RBM19: variants seen among roughly 807,000 people sequenced by gnomAD.
The protein encoded by RBM19 is probable RNA-binding protein 19.
A neutral mutation model predicts 116.8 loss-of-function variants in RBM19; 94 were observed. That is an observed-to-expected ratio of 0.80 (90% CI 0.68 to 0.95). The LOEUF is 0.95. Ranked by LOEUF, RBM19 falls within the 40% of genes least tolerant of loss-of-function variation. RBM19 has a pLI of 0.00. For synonymous variants in RBM19, 475 were observed against 494.1 expected (o/e 0.96, Z 0.51); for missense variants, 1,161 against 1,220.7 (o/e 0.95, Z 0.73).
chr12:113,966,061 T>G (rs1300911471), intron 1 of RBM19, 131 bp downstream of exon 1: 1 of 1,013,424 alleles, frequency 9.9e-7, no homozygotes, highest in African/African-American at 1.6e-5. Flanking sequence ...CCCGCCCCCT[T>G]TGAGTTCAGA....
chr12:113,949,002 G>C lies in RBM19; in HGVS notation c.1107C>G (p.Asn369Lys). The stretch of plus-strand genomic sequence containing the variant: ...TTGGTGCACCCTTGGTGGTGGGGAC[G>C]TTCTTTTCCCTGAACACCTCGATGT... ...GRYIEVFREK[N>K]VPTTKGAPKN... Residue 369 changes from asparagine to lysine, a missense_variant, in exon 10 of 24, where the codon AAC (asparagine) becomes AAG (lysine). By Grantham distance (94) the Asn-to-Lys change is moderately conservative (BLOSUM62 0). Transcript: ENST00000261741. The C allele has an allele frequency of 6.2e-7, 1 of 1,614,148 alleles. No homozygotes were observed. The highest frequency in any genetic ancestry group is 1.1e-5 in the South Asian group (1 of 91,076).
intron 1 of RBM19, among the ~76,000 whole-genome samples, chr12:113,965,280 TAA>T (rs144243457): frequency 1.0e-5 from 1 of 96,700 alleles, no homozygotes; most frequent in Non-Finnish European, 2.2e-5. Flanking sequence ...AGACTCCGTT[TAA>T]AAAAAAAAAA....
chr12:113,965,792 T>C (rs1359760405), intron 1 of RBM19, among the ~76,000 whole-genome samples: 3 of 152,164 alleles, frequency 2.0e-5, no homozygotes, highest in Non-Finnish European at 2.9e-5. Flanking sequence ...CGCAGATTAA[T>C]ATTCCCCATG....
chr12:113,881,269 A>C (rs1299049184), intron 21 of RBM19, among the ~76,000 whole-genome samples: 1 of 152,160 alleles, frequency 6.6e-6, no homozygotes, highest in Non-Finnish European at 1.5e-5. Flanking sequence ...TTAGCCTCAG[A>C]GCTCTGGCTC....
At chr12:113,958,220 A>T (rs1485857889) in intron 5 of RBM19, among the ~76,000 whole-genome samples, 170 bp from the exon 6 acceptor site, 1 of 151,988 alleles carries the variant, frequency 6.6e-6, no homozygotes, top group African/African-American at 2.4e-5. Flanking sequence ...CAATACCAAA[A>T]CGGGGCAGGG....
At chr12:113,835,831 G>A (rs911706327) in intron 23 of RBM19, among the ~76,000 whole-genome samples, 1 of 152,334 alleles carries the variant, frequency 6.6e-6, no homozygotes, top group Admixed American at 6.5e-5. Flanking sequence ...CAGCCCATCA[G>A]TCCTCCCCAG....
chr12:113,833,947 T>C (rs980080738), intron 23 of RBM19, among the ~76,000 whole-genome samples: 4 of 152,202 alleles, frequency 2.6e-5, no homozygotes, highest in South Asian at 2.1e-4. Context: ...GGTCTCGCTA[T>C]GTGGCTCAGG....
Position 113,927,125 on chromosome 12 carries a change from C to A in RBM19, c.2173G>T (p.Glu725Ter). The A allele has an allele frequency of 6.2e-7, 1 of 1,610,472 alleles. No homozygotes were observed. Among genetic ancestry groups the A allele is most frequent in the Non-Finnish European group, 8.5e-7 (1 of 1,178,608 alleles). Residue 725 changes from glutamate to a stop codon, truncating the protein, a stop_gained, in exon 17 of 24, where the codon GAG becomes TAG. Transcript: ENST00000261741. LOFTEE classifies it high-confidence loss of function. The part of the protein sequence containing the change: ...EEEEEEEEEE[E>*]SLPGCTLFIK... ...AACAGAGTACATCCTGGGAGGCTCT[C>A]TTCTTCTTCTTCCTCTTCCTCCTCC...
downstream of RBM19, chr12:113,817,272 T>A (rs1438090424): frequency 3.3e-5 from 5 of 152,290 alleles, no homozygotes; most frequent in Non-Finnish European, 7.3e-5. Context: ...GGAAGGCCAG[T>A]GTGGAGGCAC....
chr12:113,879,033 T>C (rs1156770816), intron 21 of RBM19, among the ~76,000 whole-genome samples: 1 of 152,042 alleles, frequency 6.6e-6, no homozygotes, highest in African/African-American at 2.4e-5. Flanking sequence ...CGTCTTGCAG[T>C]GTGGCTGCAG....
At chr12:113,908,019 G>C (rs899214345) in intron 21 of RBM19, among the ~76,000 whole-genome samples, 1 of 152,154 alleles carries the variant, frequency 6.6e-6, no homozygotes. Flanking sequence ...GTGCAGAGGA[G>C]AGACACCTGG....
At chr12:113,893,555 C>G (rs534550811) in intron 21 of RBM19, among the ~76,000 whole-genome samples, 1 of 152,228 alleles carries the variant, frequency 6.6e-6, no homozygotes, top group Non-Finnish European at 1.5e-5. Flanking sequence ...CCCTGTCTCA[C>G]TGCTGAACAC....
chr12:113,878,930 G>A lies in RBM19; in HGVS notation c.2559-20034C>T, dbSNP rs373543128. ...TATCTGTTGTGTGTCACACACGCGA[G>A]TGAGTGGCACACAGAGAATTAGTTC... On this transcript the variant is annotated intron_variant, in intron 21 of 23. Transcript: ENST00000261741. Among the ~76,000 whole-genome samples the A allele has an allele frequency of 3.2e-4, 48 of 152,244 alleles. 1 individual carries two copies. The highest frequency in any genetic ancestry group is 1.1e-3 in the African/African-American group (47 of 41,556).
chr12:113,886,160 C>T (rs895723071), intron 21 of RBM19, among the ~76,000 whole-genome samples: 6 of 152,024 alleles, frequency 3.9e-5, no homozygotes, highest in Non-Finnish European at 5.9e-5. Flanking sequence ...CGTGAGCCAC[C>T]GCCATTCTGT....
At chr12:113,881,867 G>A (rs991979734) in intron 21 of RBM19, among the ~76,000 whole-genome samples, 4 of 152,208 alleles carry the variant, frequency 2.6e-5, no homozygotes, top group Admixed American at 6.5e-5. Context: ...TGTCTCTTCC[G>A]GAGGCCCAGT....
At chr12:113,911,204 C>T (rs1319443249) in intron 21 of RBM19, among the ~76,000 whole-genome samples, 1 of 152,184 alleles carries the variant, frequency 6.6e-6, no homozygotes, top group Non-Finnish European at 1.5e-5. Flanking sequence ...TGTGTACATG[C>T]ATACTTGCAC....
chr12:113,831,056 C>T (rs1324319924), intron 23 of RBM19, among the ~76,000 whole-genome samples: 2 of 152,178 alleles, frequency 1.3e-5, no homozygotes, highest in African/African-American at 4.8e-5. Context: ...AACGTGCAGC[C>T]ATTCCTTGGG....
chr12:113,954,355 T>C (rs1259117765), intron 7 of RBM19, among the ~76,000 whole-genome samples: 1 of 151,928 alleles, frequency 6.6e-6, no homozygotes, highest in Non-Finnish European at 1.5e-5. Flanking sequence ...ACAAAAACCA[T>C]CTAAGAAGAC....
chr12:113,959,771 C>T, intron 4 of RBM19, 94 bp downstream of exon 4: 2 of 1,465,588 alleles, frequency 1.4e-6, no homozygotes, highest in Non-Finnish European at 1.9e-6. Context: ...GTCTCCTAGC[C>T]TCCACCCTCT....
Sources: gnomAD v4.1 joint callset for allele counts (sites outside exome capture counted in the v4.1 genomes callset) on GRCh38, gnomAD v4.1.1 for gene constraint, MANE v1.5 for transcripts, NCBI Gene and HGNC (gene_info 2026-07-23, HGNC 2026-07-21) for gene names.